Variants in MIER1 observed in about 807,000 individuals in gnomAD.
The protein encoded by MIER1 is MIER1 transcriptional regulator.
A neutral mutation model predicts 75.7 loss-of-function variants in MIER1; 40 were observed. The observed-to-expected ratio is 0.53, with a 90% confidence interval of 0.41 to 0.69. The LOEUF is 0.69. MIER1 is among the 30% of genes least tolerant of loss of function. MIER1 has a pLI of 0.00. For missense variants in MIER1, 574 were observed against 680.2 expected (o/e 0.84, Z 1.74); for synonymous variants, 213 against 223.4 (o/e 0.95, Z 0.42).
intron 6 of MIER1, 124 bp downstream of exon 6, chr1:66,959,107 G>T: frequency 1.3e-6 from 1 of 797,676 alleles, no homozygotes; most frequent in South Asian, 1.9e-5. Context: ...ACAGTAAATG[G>T]ATTTTGTTGT....
chr1:66,925,556 C>G (rs1651438175), intron 1 of MIER1: 1 of 985,288 alleles, frequency 1.0e-6, no homozygotes, highest in Admixed American at 6.1e-5. Flanking sequence ...CCTGGGCCAA[C>G]TTGCCCTTTT....
At chr1:66,983,841 C>A (rs1016625147) in intron 13 of MIER1, among the ~76,000 whole-genome samples, 1 of 152,180 alleles carries the variant, frequency 6.6e-6, no homozygotes, top group Non-Finnish European at 1.5e-5. Flanking sequence ...GATTCTGCTG[C>A]CTCAGCCTTC....
intron 13 of MIER1, among the ~76,000 whole-genome samples, chr1:66,984,317 CTTAT>C (rs1022909009): frequency 6.6e-5 from 10 of 152,122 alleles, no homozygotes; most frequent in African/African-American, 2.4e-4. Flanking sequence ...CATTTATTAA[CTTAT>C]TTAATTTTCA....
intron 2 of MIER1, chr1:66,930,330 CG>C (rs1311385219): frequency 6.3e-7 from 1 of 1,597,656 alleles, no homozygotes; most frequent in Non-Finnish European, 8.5e-7. Context: ...GTCTCACATC[CG>C]GGTTCTGGCC....
In MIER1 at chr1:66,925,197, A is replaced by T; in HGVS notation, c.67+102A>T. On this transcript the variant is annotated intron_variant, in intron 1 of 13. Transcript: ENST00000401041. ...CCCCTTTCTCTCCTTCCCCTCCCCC[A>T]CGGCAGTGTACCGCCCGGAAGACCC... The T allele has an allele frequency of 2.1e-6, 3 of 1,435,312 alleles. No individual in the cohort carries two copies. The East Asian group carries it at 8.3e-5, about 40-fold the overall frequency. 88.9% of individuals were successfully genotyped at this position (1,435,312 alleles called of 1,614,324 possible).
chr1:66,978,522 T>C (rs1331007602), intron 12 of MIER1, among the ~76,000 whole-genome samples: 2 of 152,202 alleles, frequency 1.3e-5, no homozygotes, highest in Non-Finnish European at 2.9e-5. Flanking sequence ...GTTAATTTTT[T>C]TTCCATTGGT....
chr1:66,967,899 G>A (rs545399006), intron 8 of MIER1, among the ~76,000 whole-genome samples: 9 of 152,050 alleles, frequency 5.9e-5, no homozygotes, highest in South Asian at 2.1e-4. Context: ...TTTTTGTGGC[G>A]TCTTTAGGTT....
chr1:66,937,027 A>G (rs934420934), intron 2 of MIER1, among the ~76,000 whole-genome samples: 1 of 151,256 alleles, frequency 6.6e-6, no homozygotes, highest in Non-Finnish European at 1.5e-5. Context: ...AAAAGAGAAA[A>G]AGAAAAAAGT....
chr1:66,958,026 T>G, intron 4 of MIER1, 33 bp from the exon 5 acceptor site: 2 of 1,410,740 alleles, frequency 1.4e-6, no homozygotes, highest in Non-Finnish European at 1.9e-6. Context: ...ATATCACTGA[T>G]TCAGAGATTA....
chr1:66,937,440 C>T (rs569717300), intron 2 of MIER1, among the ~76,000 whole-genome samples: 36 of 151,922 alleles, frequency 2.4e-4, no homozygotes, highest in Non-Finnish European at 3.5e-4. Context: ...CAAAAGTTAG[C>T]GAGCCATGGT....
chr1:66,927,749 T>C (rs1341199749), intron 2 of MIER1, among the ~76,000 whole-genome samples: 1 of 152,096 alleles, frequency 6.6e-6, no homozygotes, highest in Admixed American at 6.5e-5. Context: ...TTATGAGATA[T>C]AGTGAGTCAC....
In MIER1 at chr1:66,926,223, A is replaced by G; in HGVS notation, c.149A>G (p.Asp50Gly). The change falls in exon 2 of 14, where the codon GAC becomes GGC. Residue 50 changes from aspartate (D) to glycine (G), a missense_variant. Physicochemically the swap from Asp to Gly is moderately conservative, Grantham distance 94. Transcript: ENST00000401041. ...LRTNWLRFNA[D>G]KTDVMLPSVE... Reference sequence around the variant, plus strand: ...ACCAACTGGTTGAGGTTCAATGCAGACAAGACGGATGTGATGCTGGTAGGC... The same window carrying G: ...ACCAACTGGTTGAGGTTCAATGCAGGCAAGACGGATGTGATGCTGGTAGGC... The G allele has an allele frequency of 6.2e-7, 1 of 1,613,664 alleles. No individual in the cohort carries two copies. The highest frequency in any genetic ancestry group is 8.5e-7 in the Non-Finnish European group (1 of 1,179,604).
intron 1 of MIER1, chr1:66,925,562 CT>C (rs1651443290): frequency 1.0e-6 from 1 of 985,318 alleles, no homozygotes; most frequent in Non-Finnish European, 1.2e-6. Flanking sequence ...CCAACTTGCC[CT>C]TTTCGGATGG....
Position 66,958,110 on chromosome 1 carries a change from A to G in MIER1, c.391A>G (p.Thr131Ala). 1 of 1,610,444 alleles carries G rather than the reference A, an allele frequency of 6.2e-7. No individual in the cohort carries two copies. The highest frequency in any genetic ancestry group is 8.5e-7 in the Non-Finnish European group (1 of 1,176,800). The stretch of plus-strand genomic sequence containing the variant: ...TCTCAGCCTTTATGGTTATGGTAGT[A>G]CTGTTCGACTACCTGAAGAAGATGA... ...ELLSLYGYGSTVRLPEEDEEE... is the reference protein window; with the variant it reads ...ELLSLYGYGSAVRLPEEDEEE... The change falls in exon 5 of 14, where the codon ACT (threonine) becomes GCT (alanine). Residue 131 changes from threonine (T) to alanine (A), a missense_variant. By Grantham distance (58) the Thr-to-Ala change is moderately conservative. Transcript: ENST00000401041.
At chr1:66,979,341 C>T (rs1196048073) in intron 12 of MIER1, among the ~76,000 whole-genome samples, 1 of 152,108 alleles carries the variant, frequency 6.6e-6, no homozygotes, top group Non-Finnish European at 1.5e-5. Context: ...TTTTCTCATC[C>T]TTCTTTTTAG....
At chr1:66,960,652 A>G (rs1440789492) in intron 7 of MIER1, among the ~76,000 whole-genome samples, 1 of 152,180 alleles carries the variant, frequency 6.6e-6, no homozygotes, top group Non-Finnish European at 1.5e-5. Flanking sequence ...CATGTCTTCA[A>G]AAAAATTTTT....
intron 10 of MIER1, among the ~76,000 whole-genome samples, 176 bp downstream of exon 10, chr1:66,971,912 CCCTT>C (rs1663687016): frequency 6.6e-6 from 1 of 151,838 alleles, no homozygotes; most frequent in Non-Finnish European, 1.5e-5. Flanking sequence ...TTAAGATTGT[CCCTT>C]CCTCCTTTGT....
chr1:66,962,162 AG>A (rs1396177944), intron 7 of MIER1, among the ~76,000 whole-genome samples: 3 of 152,170 alleles, frequency 2.0e-5, no homozygotes, highest in African/African-American at 7.2e-5. Context: ...CACCAGTGGT[AG>A]TTTGCAGTTG....
At chr1:66,963,592 A>G (rs1045743177) in intron 8 of MIER1, among the ~76,000 whole-genome samples, 3 of 152,212 alleles carry the variant, frequency 2.0e-5, no homozygotes, top group African/African-American at 4.8e-5. Flanking sequence ...ACTTTCACTA[A>G]GCAAAATGGA....
Sources: gnomAD v4.1 joint callset for allele counts (sites outside exome capture counted in the v4.1 genomes callset) on GRCh38, gnomAD v4.1.1 for gene constraint, MANE v1.5 for transcripts, NCBI Gene and HGNC (gene_info 2026-07-23, HGNC 2026-07-21) for gene names.